PCDHGA6: variants seen among roughly 807,000 people sequenced by gnomAD.
The protein encoded by PCDHGA6 is protocadherin gamma subfamily A, 6, also known as protocadherin gamma-A6.
PCDHGA6 carries 41 observed loss-of-function variants against 60.6 expected under a neutral mutation model. The ratio of observed to expected loss-of-function variants is 0.68; its 90% CI spans 0.53 to 0.88. The LOEUF is 0.88. Among genes scored for constraint, PCDHGA6 ranks in the 40% least tolerant of loss-of-function variants. The probability of loss-of-function intolerance (pLI) is 0.00; values close to 1 mark genes in which losing one functional copy is unlikely to be tolerated. For synonymous variants in PCDHGA6, 594 were observed against 524.4 expected (o/e 1.13, Z -1.81); for missense variants, 1,312 against 1,203.0 (o/e 1.09, Z -1.34).
At chr5:141,423,397 C>T (rs759822483) in intron 1 of PCDHGA6, 3 of 1,614,146 alleles carry the variant, frequency 1.9e-6, no homozygotes, top group East Asian at 2.2e-5. Context: ...GCATAAGTCA[C>T]GCCTGCTGCA....
At chr5:141,482,239 A>G (rs529504334) in intron 1 of PCDHGA6, among the ~76,000 whole-genome samples, 31 of 152,332 alleles carry the variant, frequency 2.0e-4, no homozygotes, top group Middle Eastern at 3.4e-3. Context: ...TGCCAATATA[A>G]GTATAGTACT....
chr5:141,453,676 C>T (rs1387074223), intron 1 of PCDHGA6, among the ~76,000 whole-genome samples: 1 of 152,174 alleles, frequency 6.6e-6, no homozygotes, highest in Admixed American at 6.6e-5. Flanking sequence ...AAAGGTAACA[C>T]ACTATGTAGG....
intron 1 of PCDHGA6, chr5:141,421,806 A>G: frequency 6.2e-7 from 1 of 1,613,842 alleles, no homozygotes; most frequent in Non-Finnish European, 8.5e-7. Context: ...CCAAGAATCC[A>G]GAGCTAGTAC....
rs1251686604 is a variant in PCDHGA6 at position 141,485,257 on chromosome 5, T to C, written c.2425-9550T>C. ...TCTTTTACCACCTGGGTTACGTTTG[T>C]GGGCAGATCCGCTACCCGGTCCCAG... is the stretch of plus-strand genomic sequence containing the variant. On this transcript the variant is annotated intron_variant, in intron 1 of 3. Coordinates refer to ENST00000517434, the MANE Select transcript of PCDHGA6 (RefSeq NM_018919.3). This position sits in a 1 kb window ranked among gnomAD's most constrained non-coding sequence, Gnocchi z 5.7. The C allele has an allele frequency of 6.2e-7, 1 of 1,614,154 alleles. No homozygotes were observed.
At chr5:141,396,813 T>A (rs1031435038) in intron 1 of PCDHGA6, among the ~76,000 whole-genome samples, 3 of 152,240 alleles carry the variant, frequency 2.0e-5, no homozygotes, top group Admixed American at 6.5e-5. Context: ...AGTGTTCTAC[T>A]GTATGGTGCA....
intron 1 of PCDHGA6, among the ~76,000 whole-genome samples, chr5:141,460,454 T>C (rs1010186960): frequency 6.6e-6 from 1 of 152,194 alleles, no homozygotes; most frequent in Admixed American, 6.6e-5. Context: ...TGAAGATTCA[T>C]ATTTTTTTCC....
intron 1 of PCDHGA6, among the ~76,000 whole-genome samples, chr5:141,474,029 C>T (rs1047673843): frequency 6.6e-6 from 1 of 152,092 alleles, no homozygotes; most frequent in Non-Finnish European, 1.5e-5. Context: ...ATGATTATTC[C>T]ACTGTACTCC....
chr5:141,482,562 C>A (rs1030078543), intron 1 of PCDHGA6, among the ~76,000 whole-genome samples: 68 of 142,616 alleles, frequency 4.8e-4, no homozygotes, highest in African/African-American at 1.8e-3. Flanking sequence ...TAATGGAGAT[C>A]TGCATAGCAT....
intron 1 of PCDHGA6, chr5:141,399,515 C>T (rs748098945): frequency 6.2e-7 from 1 of 1,614,040 alleles, no homozygotes; most frequent in African/African-American, 1.3e-5. Context: ...AACAACCCTC[C>T]TGGGGCCTCC....
chr5:141,381,826 C>CTTTTTTTTTTTTTT (rs770630741), intron 1 of PCDHGA6, among the ~76,000 whole-genome samples: 11 of 74,282 alleles, frequency 1.5e-4, no homozygotes, highest in Non-Finnish European at 1.7e-4. Context: ...CTTTCTTCTT[C>CTTTTTTTTTTTTTT]TTTTTTTTTT....
chr5:141,451,521 T>A (rs1164313767), intron 1 of PCDHGA6, among the ~76,000 whole-genome samples: 2 of 152,148 alleles, frequency 1.3e-5, no homozygotes, highest in African/African-American at 4.8e-5. Flanking sequence ...TTAGAGCAAG[T>A]AAAGGAGAGT....
chr5:141,472,733 C>T (rs1450872513), intron 1 of PCDHGA6, among the ~76,000 whole-genome samples: 2 of 151,996 alleles, frequency 1.3e-5, no homozygotes, highest in Non-Finnish European at 2.9e-5. Context: ...CACCTGTAAT[C>T]CCAGCACTTT....
intron 1 of PCDHGA6, chr5:141,427,753 T>A (rs745532152): frequency 4.5e-6 from 6 of 1,322,510 alleles, no homozygotes; most frequent in Non-Finnish European, 6.4e-6. Flanking sequence ...TACTCCATCG[T>A]TACCACTGAC....
rs767400679 is a variant in PCDHGA6, at chr5:141,476,863, C to T, written c.2425-17944C>T. 2.2e-5 allele frequency: 35 copies of T among 1,613,740 alleles called. No individual in the cohort carries two copies. Among genetic ancestry groups the T allele is most frequent in the Non-Finnish European group, 2.8e-5 (33 of 1,180,062 alleles). On this transcript the variant is annotated intron_variant, in intron 1 of 3. Coordinates refer to ENST00000517434, the MANE Select transcript of PCDHGA6 (RefSeq NM_018919.3). The surrounding 1 kb of genome is among the most constrained non-coding windows in gnomAD (Gnocchi z 7.6). ...CGCCTGTCTTCAACCAGTCCTTGTA[C>T]CGGGCGCGCGTCCTGGAGGATGCAC...
In PCDHGA6 at chr5:141,418,429, A is replaced by G. The variant is rs765952024; in HGVS notation, c.2424+41922A>G. ...AGAAAGACAATCCTGATGGTGGCAAATATCCAGAATTAGTATTGCAGAAGA... is the reference window on the plus strand; with the variant it reads ...AGAAAGACAATCCTGATGGTGGCAAGTATCCAGAATTAGTATTGCAGAAGA... On this transcript the variant is annotated intron_variant, in intron 1 of 3. Transcript: ENST00000517434. 8.7e-6 allele frequency: 14 copies of G among 1,613,972 alleles called. No homozygotes were observed. In the South Asian group the frequency reaches 1.5e-4, roughly 18 times the overall value.
Position 141,410,173 on chromosome 5 carries a change from C to G in PCDHGA6, c.2424+33666C>G, listed in dbSNP as rs544938164. ...GTGGACAGCCGCCACTCTCTGCCACCGCCACGCTTCATCTGGTCTTCGCAG... is the reference window on the plus strand; with the variant it reads ...GTGGACAGCCGCCACTCTCTGCCACGGCCACGCTTCATCTGGTCTTCGCAG... On this transcript the variant is annotated intron_variant, in intron 1 of 3. Coordinates refer to ENST00000517434, the MANE Select transcript of PCDHGA6 (RefSeq NM_018919.3). The G allele has an allele frequency of 6.2e-6, 10 of 1,613,842 alleles. No individual in the cohort carries two copies. The African/African-American group carries it at 9.3e-5, about 15-fold the overall frequency.
rs767101939 is a variant in PCDHGA6 at position 141,375,951 on chromosome 5, C to A, written c.1868C>A (p.Thr623Lys). The A allele has an allele frequency of 6.2e-7, 1 of 1,613,408 alleles. No homozygotes were observed. The highest frequency in any genetic ancestry group is 8.5e-7 in the Non-Finnish European group (1 of 1,179,954). The part of the protein sequence containing the change: ...EPGLFSVGLH[T>K]GEVRTARALL... ...GGACTTTTCTCAGTGGGCCTGCACA[C>A]GGGCGAGGTGCGCACGGCGCGCGCC... Residue 623 changes from threonine (T) to lysine (K), a missense_variant, in exon 1 of 4, where the codon ACG becomes AAG. By Grantham distance (78) the Thr-to-Lys change is moderately conservative. Coordinates refer to ENST00000517434, the MANE Select transcript of PCDHGA6 (RefSeq NM_018919.3).
intron 1 of PCDHGA6, among the ~76,000 whole-genome samples, chr5:141,464,151 G>A (rs2099076865): frequency 6.6e-6 from 1 of 151,818 alleles, no homozygotes; most frequent in Non-Finnish European, 1.5e-5. Flanking sequence ...TGTAGTCCCA[G>A]CTACTTGGAA....
chr5:141,461,228 A>C (rs1472527415), intron 1 of PCDHGA6, among the ~76,000 whole-genome samples: 1 of 151,976 alleles, frequency 6.6e-6, no homozygotes, highest in Non-Finnish European at 1.5e-5. Flanking sequence ...TTTTCCATAG[A>C]GGTTGTACTA....
Sources: gnomAD v4.1 joint callset for allele counts (sites outside exome capture counted in the v4.1 genomes callset) on GRCh38, gnomAD v4.1.1 for gene constraint, Gnocchi (gnomAD v3.1) non-coding constraint, MANE v1.5 for transcripts, NCBI Gene and HGNC (gene_info 2026-07-23, HGNC 2026-07-21) for gene names.